Variants in BBX observed in about 807,000 individuals in gnomAD.
BBX encodes BBX high mobility group box domain containing.
A neutral mutation model predicts 100.2 loss-of-function variants in BBX; 30 were observed. That is an observed-to-expected ratio of 0.30 (90% CI 0.22 to 0.41). The LOEUF (loss-of-function observed/expected upper bound fraction) is 0.41. Among genes scored for constraint, BBX ranks in the 10% least tolerant of loss-of-function variants. The probability of loss-of-function intolerance (pLI) is 1.00; values close to 1 mark genes in which losing one functional copy is unlikely to be tolerated. For missense variants in BBX, 1,023 were observed against 1,129.8 expected (o/e 0.91, Z 1.35); for synonymous variants, 376 against 388.1 (o/e 0.97, Z 0.37).
At position 107,654,523 on chromosome 3, in the gene BBX, A is replaced by G. The variant is rs544967195; in HGVS notation, c.-10+8614A>G. On this transcript the variant is annotated intron_variant, in intron 3 of 17. Coordinates refer to ENST00000325805, the MANE Select transcript of BBX (RefSeq NM_001142568.3). ...TCTGAAAAAATATTTTAGAACTTTTACTTTCGAATACTTATAAAGATCTTG... is the reference window on the plus strand; with the variant it reads ...TCTGAAAAAATATTTTAGAACTTTTGCTTTCGAATACTTATAAAGATCTTG... Among the ~76,000 whole-genome samples, 13 of 152,234 alleles carry G rather than the reference A, an allele frequency of 8.5e-5. No individual in the cohort carries two copies. In the South Asian group the frequency reaches 2.1e-3, roughly 24 times the overall value.
chr3:107,696,151 A>C (rs905109266), intron 3 of BBX, among the ~76,000 whole-genome samples: 2 of 151,612 alleles, frequency 1.3e-5, no homozygotes, highest in Non-Finnish European at 2.9e-5. Flanking sequence ...TCTTTATCCA[A>C]TTTGCCAGTC....
At chr3:107,536,507 C>A (rs770584255) in intron 2 of BBX, among the ~76,000 whole-genome samples, 1 of 152,080 alleles carries the variant, frequency 6.6e-6, no homozygotes, top group Non-Finnish European at 1.5e-5. Flanking sequence ...CAATGGTTTT[C>A]CGAAGGCGCT....
At chr3:107,725,755 A>G (rs1216359382) in intron 5 of BBX, among the ~76,000 whole-genome samples, 1 of 152,062 alleles carries the variant, frequency 6.6e-6, no homozygotes, top group African/African-American at 2.4e-5. Flanking sequence ...GCATTTACCA[A>G]GCACCACATG....
intron 10 of BBX, among the ~76,000 whole-genome samples, chr3:107,763,965 G>T (rs142876651): frequency 3.9e-4 from 60 of 152,266 alleles, no homozygotes; most frequent in African/African-American, 1.4e-3. Flanking sequence ...CAGTAGCATG[G>T]TCATAATTAG....
chr3:107,640,803 A>G (rs2057147002), intron 2 of BBX, among the ~76,000 whole-genome samples: 1 of 152,010 alleles, frequency 6.6e-6, no homozygotes, highest in South Asian at 2.1e-4. Flanking sequence ...CTGGGATTAC[A>G]GGCATCCAAC....
chr3:107,645,813 A>G (rs139074419), intron 2 of BBX, 23 bp from the exon 3 acceptor site: 1 of 152,596 alleles, frequency 6.6e-6, no homozygotes, highest in Non-Finnish European at 1.5e-5. Flanking sequence ...CATTTTAACT[A>G]CTTTTCTATG....
intron 10 of BBX, among the ~76,000 whole-genome samples, chr3:107,758,590 AAAC>A (rs2065663770): frequency 6.6e-6 from 1 of 152,090 alleles, no homozygotes; most frequent in Admixed American, 6.6e-5. Flanking sequence ...CCTTATACTA[AAAC>A]AACAAGATAC....
At chr3:107,651,876 T>G (rs1453569677) in intron 3 of BBX, among the ~76,000 whole-genome samples, 1 of 152,136 alleles carries the variant, frequency 6.6e-6, no homozygotes. Flanking sequence ...GTTATTTTGT[T>G]TTGTTTTAGG....
intron 2 of BBX, among the ~76,000 whole-genome samples, chr3:107,583,950 TTATATTATA>T (rs1309725134): frequency 0.031 from 2,397 of 76,148 alleles, 250 homozygotes; most frequent in African/African-American, 0.047. Flanking sequence ...ATATATATTA[TTATATTATA>T]TATATTATAT....
intron 6 of BBX, among the ~76,000 whole-genome samples, chr3:107,730,338 T>C (rs957825424): frequency 3.3e-5 from 5 of 152,146 alleles, no homozygotes; most frequent in African/African-American, 1.2e-4. Context: ...TCAGTTGGAG[T>C]ACTTTCTAAC....
Position 107,539,162 on chromosome 3 carries a change from C to G in BBX, c.-84+12764C>G, listed in dbSNP as rs552951791. Among the ~76,000 whole-genome samples, 5 of 152,168 alleles carry G rather than the reference C, an allele frequency of 3.3e-5. No homozygotes were observed. In the East Asian group the frequency reaches 7.7e-4, roughly 23 times the overall value. On this transcript the variant is annotated intron_variant, in intron 2 of 17. Transcript: ENST00000325805. Reference sequence around the variant, plus strand: ...CCTTTATCATAACTATTTGGTAATTCTGGGTTCAATGTATTGAATTATCTT... The same window carrying G: ...CCTTTATCATAACTATTTGGTAATTGTGGGTTCAATGTATTGAATTATCTT...
At chr3:107,765,939 T>C (rs1386109467) in intron 10 of BBX, among the ~76,000 whole-genome samples, 5 of 152,258 alleles carry the variant, frequency 3.3e-5, no homozygotes, top group African/African-American at 1.2e-4. Flanking sequence ...AATTTATTTG[T>C]AATGATTTTC....
rs138245695 is a variant in BBX, at chr3:107,578,998, G to A, written c.-84+52600G>A. 4.3e-3 allele frequency among the ~76,000 whole-genome samples: 651 copies of A among 152,242 alleles called. 7 individuals are homozygous for A. Among genetic ancestry groups the A allele is most frequent in the African/African-American group, 0.015 (614 of 41,536 alleles). On this transcript the variant is annotated intron_variant, in intron 2 of 17. Transcript: ENST00000325805. ...GCCCACTAAAGATTTTATAAGTAAT[G>A]TAGTCATTCCTTGGGCCCTGAGGGA...
At chr3:107,710,666 A>C in intron 4 of BBX, 44 bp downstream of exon 4, 1 of 1,497,414 alleles carries the variant, frequency 6.7e-7, no homozygotes, top group Non-Finnish European at 9.0e-7. Context: ...TTATTAGAGC[A>C]AATCATAATC....
At chr3:107,554,655 T>C (rs2049950977) in intron 2 of BBX, among the ~76,000 whole-genome samples, 1 of 152,254 alleles carries the variant, frequency 6.6e-6, no homozygotes, top group African/African-American at 2.4e-5. Context: ...TGAGTACTTA[T>C]TTTCTAGATT....
intron 2 of BBX, among the ~76,000 whole-genome samples, chr3:107,584,047 ATATATAT>A (rs2052529762): frequency 2.6e-5 from 1 of 39,012 alleles, no homozygotes; most frequent in South Asian, 4.2e-4. Context: ...TATATATATT[ATATATAT>A]TATATATATC....
intron 2 of BBX, among the ~76,000 whole-genome samples, chr3:107,616,490 A>C (rs1259351239): frequency 1.3e-5 from 2 of 152,094 alleles, no homozygotes; most frequent in African/African-American, 2.4e-5. Flanking sequence ...CTGTGTTTTC[A>C]TTCCCACCAG....
At chr3:107,599,132 A>G (rs2053877429) in intron 2 of BBX, among the ~76,000 whole-genome samples, 1 of 152,202 alleles carries the variant, frequency 6.6e-6, no homozygotes, top group East Asian at 1.9e-4. Flanking sequence ...ATAGTTTACC[A>G]GATTGACAGA....
intron 13 of BBX, 84 bp downstream of exon 13, chr3:107,778,603 ATC>A: frequency 7.0e-7 from 1 of 1,432,070 alleles, no homozygotes; most frequent in Non-Finnish European, 9.5e-7. Context: ...CTTTAGACAT[ATC>A]ATTGGATTTG....
Sources: gnomAD v4.1 joint callset for allele counts (sites outside exome capture counted in the v4.1 genomes callset) on GRCh38, gnomAD v4.1.1 for gene constraint, MANE v1.5 for transcripts, NCBI Gene and HGNC (gene_info 2026-07-23, HGNC 2026-07-21) for gene names.